BNIP3L: variants seen among roughly 807,000 people sequenced by gnomAD.
BNIP3L encodes the protein BCL2 interacting protein 3 like.
Under a neutral mutation model 25.5 loss-of-function variants are expected in BNIP3L, and 10 were observed. The ratio of observed to expected loss-of-function variants is 0.39; its 90% CI spans 0.24 to 0.67. The LOEUF is 0.67. Among genes scored for constraint, BNIP3L ranks in the 30% least tolerant of loss-of-function variants. The pLI is 0.45. For synonymous variants in BNIP3L, 113 were observed against 101.2 expected (o/e 1.12, Z -0.70); for missense variants, 215 against 270.9 (o/e 0.79, Z 1.45).
At chr8:26,384,515 C>T (rs1805942386) in intron 1 of BNIP3L, among the ~76,000 whole-genome samples, 1 of 152,194 alleles carries the variant, frequency 6.6e-6, no homozygotes, top group Non-Finnish European at 1.5e-5. Flanking sequence ...ACTTGTATCA[C>T]ATATTCCTAT....
In BNIP3L at chr8:26,410,439, GTGTGACC is replaced by G; in HGVS notation, c.*33_*39del. The G allele has an allele frequency of 6.2e-7, 1 of 1,613,504 alleles. No homozygotes were observed. Among genetic ancestry groups the G allele is most frequent in the Admixed American group, 1.7e-5 (1 of 60,012 alleles). On this transcript the variant is annotated 3_prime_UTR_variant, in exon 6 of 6. Transcript: ENST00000380629. ...GGAAAGGAAAAGCCCCTGGAAATGC[GTGTGACC>G]TGTGAAGTGGTGTATTGTCACAGTA...
At position 26,383,066 on chromosome 8, in the gene BNIP3L, T is replaced by C; in HGVS notation, c.-65T>C. The C allele has an allele frequency of 6.9e-7, 1 of 1,445,958 alleles. No individual in the cohort carries two copies. Among genetic ancestry groups the C allele is most frequent in the Non-Finnish European group, 9.4e-7 (1 of 1,058,856 alleles). The allele number at this position is 1,445,958 out of a possible 1,614,324, so 89.6% of individuals were successfully genotyped here. On this transcript the variant is annotated 5_prime_UTR_variant, in exon 1 of 6. Coordinates refer to ENST00000380629, the MANE Select transcript of BNIP3L (RefSeq NM_004331.3). The stretch of plus-strand genomic sequence containing the variant: ...AAAAGGGGGCGGCGGACTCGGCTTG[T>C]TGTGTTGCTGCCTGAGTGCCGGAGA...
chr8:26,393,473 G>A (rs948233576), intron 2 of BNIP3L, among the ~76,000 whole-genome samples: 8 of 150,146 alleles, frequency 5.3e-5, no homozygotes, highest in African/African-American at 2.0e-4. Context: ...GGTTGACAGG[G>A]GCAGGGTAGA....
intron 5 of BNIP3L, among the ~76,000 whole-genome samples, chr8:26,409,318 G>A (rs3808576): frequency 0.71 from 107,588 of 152,060 alleles, 38,337 homozygotes; most frequent in East Asian, 0.88. Flanking sequence ...TTTTCAAGAC[G>A]TATGTTGTGC....
At chr8:26,391,152 G>A (rs1471813382) in intron 1 of BNIP3L, 91 bp from the exon 2 acceptor site, 2 of 1,157,872 alleles carry the variant, frequency 1.7e-6, no homozygotes, top group Admixed American at 5.7e-5. Flanking sequence ...AGGAGAGTCA[G>A]AATTCTTATC....
At chr8:26,388,043 T>C (rs1353434546) in intron 1 of BNIP3L, among the ~76,000 whole-genome samples, 1 of 152,202 alleles carries the variant, frequency 6.6e-6, no homozygotes, top group Non-Finnish European at 1.5e-5. Flanking sequence ...TCCATTTCTT[T>C]ATAAAAACAA....
chr8:26,394,238 A>C (rs1806178520), intron 2 of BNIP3L, among the ~76,000 whole-genome samples: 1 of 152,122 alleles, frequency 6.6e-6, no homozygotes, highest in Non-Finnish European at 1.5e-5. Flanking sequence ...TTGTCTAAAA[A>C]CTTATTTGTA....
chr8:26,407,369 G>A (rs999888825), intron 3 of BNIP3L, among the ~76,000 whole-genome samples: 1 of 151,960 alleles, frequency 6.6e-6, no homozygotes, highest in Non-Finnish European at 1.5e-5. Flanking sequence ...TGTATTTTTA[G>A]TAGACACAGG....
At chr8:26,405,070 T>C (rs1251427984) in intron 3 of BNIP3L, among the ~76,000 whole-genome samples, 2 of 152,230 alleles carry the variant, frequency 1.3e-5, no homozygotes, top group Non-Finnish European at 2.9e-5. Context: ...TTGTTTTCTT[T>C]TTAAAACACT....
chr8:26,407,114 T>C (rs1302914622), intron 3 of BNIP3L, among the ~76,000 whole-genome samples: 1 of 151,958 alleles, frequency 6.6e-6, no homozygotes, highest in East Asian at 1.9e-4. Context: ...CAAGCGATTC[T>C]TCTGCCTCAG....
At chr8:26,406,462 C>T (rs1214151021) in intron 3 of BNIP3L, among the ~76,000 whole-genome samples, 1 of 152,132 alleles carries the variant, frequency 6.6e-6, no homozygotes, top group Non-Finnish European at 1.5e-5. Context: ...ATGTCTCAGT[C>T]TCCTCATCTG....
intron 3 of BNIP3L, among the ~76,000 whole-genome samples, chr8:26,400,047 A>G (rs994924934): frequency 1.3e-5 from 2 of 151,092 alleles, no homozygotes; most frequent in Non-Finnish European, 2.9e-5. Flanking sequence ...CTTTCTTCAC[A>G]GAATTGGAAA....
At chr8:26,405,715 C>T (rs1462723729) in intron 3 of BNIP3L, among the ~76,000 whole-genome samples, 1 of 152,108 alleles carries the variant, frequency 6.6e-6, no homozygotes, top group Non-Finnish European at 1.5e-5. Flanking sequence ...AGTTTTGAGA[C>T]CCCTGGGTTT....
chr8:26,401,141 C>T (rs879355919), intron 3 of BNIP3L, among the ~76,000 whole-genome samples: 5 of 139,642 alleles, frequency 3.6e-5, no homozygotes, highest in Admixed American at 7.4e-5. Flanking sequence ...GCATTATTCA[C>T]GATAGCAAAG....
Position 26,407,621 on chromosome 8 carries a change from C to G in BNIP3L, c.358-379C>G, listed in dbSNP as rs1270652686. On this transcript the variant is annotated intron_variant, in intron 3 of 5. Coordinates refer to ENST00000380629, the MANE Select transcript of BNIP3L (RefSeq NM_004331.3). ...GGGATTATAGGCATGAGCCACTGCA[C>G]CCGGCCTAATTACGAAAATTTTAAG... is the stretch of plus-strand genomic sequence containing the variant. Among the ~76,000 whole-genome samples the G allele has an allele frequency of 2.0e-5, 3 of 152,172 alleles. No homozygotes were observed. The South Asian group carries it at 6.2e-4, about 32-fold the overall frequency.
chr8:26,400,878 A>G (rs1294679119), intron 3 of BNIP3L, among the ~76,000 whole-genome samples: 1 of 139,806 alleles, frequency 7.2e-6, no homozygotes, highest in Non-Finnish European at 1.5e-5. Context: ...GTCATCTCAC[A>G]CCAGTTAGAA....
chr8:26,399,054 G>A (rs554004778), intron 3 of BNIP3L, among the ~76,000 whole-genome samples: 1 of 151,164 alleles, frequency 6.6e-6, no homozygotes, highest in South Asian at 2.1e-4. Flanking sequence ...GGAATCCTCT[G>A]TAACTCATTT....
chr8:26,404,754 C>T (rs553670153), intron 3 of BNIP3L, among the ~76,000 whole-genome samples: 1 of 152,312 alleles, frequency 6.6e-6, no homozygotes, highest in South Asian at 2.1e-4. Flanking sequence ...GTGATCCGTC[C>T]ACCTCGGCCT....
chr8:26,387,223 A>C lies in BNIP3L; in HGVS notation c.100+3993A>C, dbSNP rs546615279. 4.6e-5 allele frequency among the ~76,000 whole-genome samples: 7 copies of C among 152,338 alleles called. No individual in the cohort carries two copies. In the East Asian group the frequency reaches 1.3e-3, roughly 29 times the overall value. ...TCACAATTATTGGACCACCCTTCAC[A>C]GTCTATTATGTTAGAGAACGGAGAA... On this transcript the variant is annotated intron_variant, in intron 1 of 5. Coordinates refer to ENST00000380629, the MANE Select transcript of BNIP3L (RefSeq NM_004331.3).
Sources: allele counts gnomAD v4.1 joint callset (sites outside exome capture counted in the v4.1 genomes callset), GRCh38; gene constraint gnomAD v4.1.1; transcripts MANE v1.5; gene names NCBI Gene and HGNC (gene_info 2026-07-23, HGNC 2026-07-21).